The following COA1 variants were observed in gnomAD, a reference collection of about 807,000 sequenced individuals.
The protein encoded by COA1 is cytochrome c oxidase assembly factor 1 homolog.
In COA1, 13 loss-of-function variants were observed where a neutral mutation model predicts 16.0. That is an observed-to-expected ratio of 0.81 (90% CI 0.53 to 1.29). The LOEUF is 1.29. Among genes scored for constraint, COA1 ranks in the 50% most tolerant of loss-of-function variants. COA1 has a pLI of 0.00. For synonymous variants in COA1, 65 were observed against 65.7 expected (o/e 0.99, Z 0.05); for missense variants, 179 against 177.0 (o/e 1.01, Z -0.06).
Position 43,645,498 on chromosome 7 carries a change from A to T in COA1, c.116-99T>A. ...AATCCAACTGACGTACAGGGTAGAA[A>T]CAGAAACGTGAAATCTGTGGATGGA... On this transcript the variant is annotated intron_variant, in intron 3 of 5. Transcript: ENST00000223336. The T allele has an allele frequency of 2.8e-6, 3 of 1,078,412 alleles. No homozygotes were observed. The South Asian group carries it at 4.0e-5, about 15-fold the overall frequency. 66.8% of individuals were successfully genotyped at this position (1,078,412 alleles called of 1,614,324 possible).
At chr7:43,637,389 A>G (rs1282902233), downstream of COA1, among the ~76,000 whole-genome samples, 3 of 152,166 alleles carry the variant, frequency 2.0e-5, no homozygotes, top group Non-Finnish European at 4.4e-5. Flanking sequence ...CAGTCTTTAC[A>G]AGTCTACAGT....
chr7:43,657,133 T>C (rs577336305), intron 1 of COA1: 62 of 152,352 alleles, frequency 4.1e-4, no homozygotes, highest in African/African-American at 1.4e-3. Flanking sequence ...CATGTGTGTA[T>C]GTGTTATCTG....
chr7:43,699,631 A>G (rs1258733593), intron 1 of COA1, among the ~76,000 whole-genome samples: 2 of 152,202 alleles, frequency 1.3e-5, no homozygotes, highest in Non-Finnish European at 2.9e-5. Flanking sequence ...TTTTGTTTCA[A>G]TATGTCCTAC....
chr7:43,635,578 C>T (rs2085733087), downstream of COA1, among the ~76,000 whole-genome samples: 1 of 152,312 alleles, frequency 6.6e-6, no homozygotes, highest in African/African-American at 2.4e-5. Context: ...CACTTCCACT[C>T]ACAAGCCACA....
rs1563228993 is a variant in COA1 at position 43,644,766 on chromosome 7, G to GATAGATAGATAGATAGATAGA, written c.264+484_264+485insTCTATCTATCTATCTATCTAT. Among the ~76,000 whole-genome samples, 398 of 80,654 alleles carry GATAGATAGATAGATAGATAGA rather than the reference G, an allele frequency of 4.9e-3. 2 individuals are homozygous for GATAGATAGATAGATAGATAGA. Among genetic ancestry groups the GATAGATAGATAGATAGATAGA allele is most frequent in the Admixed American group, 7.5e-3 (58 of 7,762 alleles). The allele number at this position is 80,654 out of a possible 152,430, so 52.9% of individuals were successfully genotyped here. A position where few individuals can be genotyped will look rare whatever the true frequency, so the allele number is the denominator to read the frequency against. On this transcript the variant is annotated intron_variant, in intron 4 of 5. Transcript: ENST00000223336. ...GATAGATAGATAGATAGATAGGCAG[G>GATAGATAGATAGATAGATAGA]CAGGCAGGCAGGCAGGCAGGCAGGC...
Position 43,644,750 on chromosome 7 carries a change from A to G in COA1, c.264+501T>C, listed in dbSNP as rs1438892879. 1.6e-3 allele frequency among the ~76,000 whole-genome samples: 141 copies of G among 90,066 alleles called. 7 individuals are homozygous for G. Among genetic ancestry groups the G allele is most frequent in the Middle Eastern group, 5.8e-3 (1 of 172 alleles). 59.1% of individuals were successfully genotyped at this position (90,066 alleles called of 152,430 possible). On this transcript the variant is annotated intron_variant, in intron 4 of 5. Transcript: ENST00000223336. ...GATAGATAGATAGATAGATAGATAGATAGATAGATAGGCAGGCAGGCAGGC... is the reference window on the plus strand; with the variant it reads ...GATAGATAGATAGATAGATAGATAGGTAGATAGATAGGCAGGCAGGCAGGC...
chr7:43,664,267 C>T (rs1435421942), intron 1 of COA1, among the ~76,000 whole-genome samples: 1 of 152,172 alleles, frequency 6.6e-6, no homozygotes, highest in African/African-American at 2.4e-5. Context: ...AGGCATGCAA[C>T]ACCACACCCG....
chr7:43,644,817 G>GAGAGAGAGAGAGAC lies in COA1; in HGVS notation c.264+433_264+434insGTCTCTCTCTCTCT, dbSNP rs1554501887. Among the ~76,000 whole-genome samples the GAGAGAGAGAGAGAC allele has an allele frequency of 4.2e-4, 53 of 126,614 alleles. 3 individuals are homozygous for GAGAGAGAGAGAGAC. Among genetic ancestry groups the GAGAGAGAGAGAGAC allele is most frequent in the Non-Finnish European group, 7.7e-4 (40 of 52,168 alleles). 83.1% of individuals were successfully genotyped at this position (126,614 alleles called of 152,430 possible). A position where few individuals can be genotyped will look rare whatever the true frequency, so the allele number is the denominator to read the frequency against. ...AGAGAGACAGAGAGAGAGAGAGAGAGAGAGAGAGAGAGAGAGACAGGGTCT... is the reference window on the plus strand; with the variant it reads ...AGAGAGACAGAGAGAGAGAGAGAGAGAGAGAGAGAGAGACAGAGAGAGAGAGAGAGACAGGGTCT... On this transcript the variant is annotated intron_variant, in intron 4 of 5. Transcript: ENST00000223336.
At chr7:43,702,771 C>A (rs2094802801) in intron 1 of COA1, among the ~76,000 whole-genome samples, 1 of 152,098 alleles carries the variant, frequency 6.6e-6, no homozygotes, top group Non-Finnish European at 1.5e-5. Flanking sequence ...AGCTAGCAAT[C>A]TATCAATCTT....
chr7:43,717,928 G>A (rs983350556), intron 1 of COA1, among the ~76,000 whole-genome samples: 3 of 152,152 alleles, frequency 2.0e-5, no homozygotes, highest in Non-Finnish European at 4.4e-5. Context: ...TGCCATCTAT[G>A]TAAGACAGGA....
chr7:43,710,365 A>AT (rs1337224771), intron 1 of COA1, among the ~76,000 whole-genome samples: 94 of 107,994 alleles, frequency 8.7e-4, no homozygotes, highest in African/African-American at 3.2e-3. Context: ...AAAAAAAAAA[A>AT]AAAAAAAAAA....
intron 1 of COA1, among the ~76,000 whole-genome samples, chr7:43,719,402 T>C (rs1415500162): frequency 1.3e-5 from 2 of 152,230 alleles, no homozygotes; most frequent in East Asian, 3.8e-4. Context: ...CAGATGGCTG[T>C]ATAGTCCAAG....
chr7:43,696,712 T>C (rs1371903907), intron 1 of COA1, among the ~76,000 whole-genome samples: 1 of 152,104 alleles, frequency 6.6e-6, no homozygotes, highest in Non-Finnish European at 1.5e-5. Flanking sequence ...TGTGTGTATA[T>C]ATATGTATAT....
At chr7:43,611,111 C>A (rs147148487) in intron 6 of COA1, among the ~76,000 whole-genome samples, 1 of 152,066 alleles carries the variant, frequency 6.6e-6, no homozygotes, top group African/African-American at 2.4e-5. Flanking sequence ...AATGAGACTC[C>A]GTCTCAAAAC....
At chr7:43,609,395 T>C (rs1412311574) in exon 7 of COA1, 1 of 152,356 alleles carries the variant, frequency 6.6e-6, no homozygotes, top group Non-Finnish European at 1.5e-5. Context: ...ATCAGTGTCA[T>C]AGGCTCCAAC....
intron 4 of COA1, among the ~76,000 whole-genome samples, chr7:43,644,187 G>A (rs894962605): frequency 1.3e-5 from 2 of 152,084 alleles, no homozygotes; most frequent in South Asian, 2.1e-4. Flanking sequence ...CCCAGGCCTC[G>A]AGCCACTTCC....
intron 1 of COA1, among the ~76,000 whole-genome samples, chr7:43,661,503 C>T (rs1349116649): frequency 6.6e-6 from 1 of 152,084 alleles, no homozygotes; most frequent in Non-Finnish European, 1.5e-5. Context: ...GGCGTGGTGG[C>T]GGGCGCCTGT....
intron 1 of COA1, among the ~76,000 whole-genome samples, chr7:43,659,867 GA>G (rs1219010077): frequency 3.3e-5 from 5 of 151,918 alleles, no homozygotes; most frequent in African/African-American, 7.2e-5. Context: ...ACAGTATCTG[GA>G]AAAAAGGTCT....
chr7:43,691,440 A>AG (rs1491382880), intron 1 of COA1, among the ~76,000 whole-genome samples: 35 of 134,066 alleles, frequency 2.6e-4, no homozygotes, highest in African/African-American at 1.1e-3. Context: ...AAAGAAAGAA[A>AG]GAAAGAAAGA....
Sources: gnomAD v4.1 joint callset for allele counts (sites outside exome capture counted in the v4.1 genomes callset) on GRCh38, gnomAD v4.1.1 for gene constraint, MANE v1.5 for transcripts, NCBI Gene and HGNC (gene_info 2026-07-23, HGNC 2026-07-21) for gene names.